Variants in ZMAT3 observed in about 807,000 individuals in gnomAD.
ZMAT3 encodes zinc finger matrin-type protein 3.
A neutral mutation model predicts 32.3 loss-of-function variants in ZMAT3; 17 were observed. The observed-to-expected ratio is 0.53, with a 90% confidence interval of 0.36 to 0.79. ZMAT3 has a LOEUF of 0.79. ZMAT3 is among the 30% of genes least tolerant of loss of function. The pLI is 0.00. For missense variants in ZMAT3, 329 were observed against 359.7 expected, an observed-to-expected ratio of 0.91 and a Z score of 0.69; for synonymous variants, 120 against 133.1, an observed-to-expected ratio of 0.90 and a Z score of 0.68.
Position 179,023,324 on chromosome 3 carries a change from G to A in ZMAT3, c.*1693C>T, listed in dbSNP as rs953859758. On this transcript the variant is annotated 3_prime_UTR_variant, in exon 6 of 6. Transcript: ENST00000311417. Reference sequence around the variant, plus strand: ...AATAATACTGATATAATTATCAGATGCCAAAGTGATCTATCATATACTTGT... The same window carrying A: ...AATAATACTGATATAATTATCAGATACCAAAGTGATCTATCATATACTTGT... 1 of 151,992 alleles carries A rather than the reference G, an allele frequency of 6.6e-6. No individual in the cohort carries two copies. The highest frequency in any genetic ancestry group is 1.5e-5 in the Non-Finnish European group (1 of 68,010). The allele number at this position is 151,992 out of a possible 1,614,324, so 9.4% of individuals were successfully genotyped here.
rs1044660020 is a variant in ZMAT3, at chr3:179,023,877, C to A, written c.*1140G>T. 1.3e-5 allele frequency: 2 copies of A among 149,428 alleles called. No homozygotes were observed. The highest frequency in any genetic ancestry group is 4.9e-5 in the African/African-American group (2 of 40,426). 9.3% of individuals were successfully genotyped at this position (149,428 alleles called of 1,614,324 possible). On this transcript the variant is annotated 3_prime_UTR_variant, in exon 6 of 6. Coordinates refer to ENST00000311417, the MANE Select transcript of ZMAT3 (RefSeq NM_022470.4). ...CTGGGACTACAGGCACCCACCACCA[C>A]GCCCGGCTAATGTTTTGTATTTTTA...
chr3:179,052,135 G>A (rs1188232116), intron 2 of ZMAT3, among the ~76,000 whole-genome samples: 1 of 151,656 alleles, frequency 6.6e-6, no homozygotes, highest in Non-Finnish European at 1.5e-5. Flanking sequence ...ACAAGATAAA[G>A]ATAAATAGAT....
At position 179,027,747 on chromosome 3, in the gene ZMAT3, A is replaced by G; in HGVS notation, c.456T>C (p.Cys152=). The G allele has an allele frequency of 6.2e-7, 1 of 1,614,176 alleles. No individual in the cohort carries two copies. The highest frequency in any genetic ancestry group is 1.7e-5 in the Admixed American group (1 of 60,026). The stretch of plus-strand genomic sequence containing the variant: ...CAGCTGGGGAACTGAAGGAGGCATC[A>G]CAGAGCTTACAGTAATCATTCTCCG... The part of the protein sequence containing the change: ...LATENDYCKL[C]DASFSSPAVA... The change falls in exon 4 of 6, where the codon TGT becomes TGC. Residue 152 remains cysteine, a synonymous_variant. Transcript: ENST00000311417.
In ZMAT3 at chr3:179,030,976, G is replaced by A; in HGVS notation, c.294C>T (p.Leu98=). The A allele has an allele frequency of 6.2e-7, 1 of 1,613,188 alleles. No homozygotes were observed. Among genetic ancestry groups the A allele is most frequent in the African/African-American group, 1.3e-5 (1 of 74,966 alleles). The part of the protein sequence containing the change: ...HYQGKNHGKK[L]RNYYAANSCP... The stretch of plus-strand genomic sequence containing the variant: ...AGCTATTTGCTGCATAGTAATTTCG[G>A]AGTTTCTTACCATGATTTTTACCCT... Residue 98 remains leucine (L), a synonymous_variant, in exon 3 of 6, where the codon CTC becomes CTT. Coordinates refer to ENST00000311417, the MANE Select transcript of ZMAT3 (RefSeq NM_022470.4).
At chr3:179,031,869 T>C (rs1299943385) in intron 2 of ZMAT3, among the ~76,000 whole-genome samples, 1 of 147,570 alleles carries the variant, frequency 6.8e-6, no homozygotes, top group Non-Finnish European at 1.5e-5. Flanking sequence ...ATCACACCAC[T>C]GCACTCCAGC....
chr3:179,023,594 T>C lies in ZMAT3; in HGVS notation c.*1423A>G, dbSNP rs941116084. 2.7e-5 allele frequency: 4 copies of C among 145,730 alleles called. No homozygotes were observed. Among genetic ancestry groups the C allele is most frequent in the African/African-American group, 5.1e-5 (2 of 39,144 alleles). The allele number at this position is 145,730 out of a possible 1,614,324, so 9.0% of individuals were successfully genotyped here. A position where few individuals can be genotyped will look rare whatever the true frequency, so the allele number is the denominator to read the frequency against. On this transcript the variant is annotated 3_prime_UTR_variant, in exon 6 of 6. Coordinates refer to ENST00000311417, the MANE Select transcript of ZMAT3 (RefSeq NM_022470.4). Reference sequence around the variant, plus strand: ...CAAAATATCAAGCAATCTGAACTTATGGTTTAGATCATGATATAAGCGCAT... The same window carrying C: ...CAAAATATCAAGCAATCTGAACTTACGGTTTAGATCATGATATAAGCGCAT...
intron 2 of ZMAT3, among the ~76,000 whole-genome samples, chr3:179,065,401 T>C (rs1721357805): frequency 6.6e-6 from 1 of 152,130 alleles, no homozygotes; most frequent in Non-Finnish European, 1.5e-5. Context: ...TACGCAAAAA[T>C]GTAAAATAAA....
chr3:179,041,993 G>C (rs1417751438), intron 2 of ZMAT3, among the ~76,000 whole-genome samples: 2 of 152,122 alleles, frequency 1.3e-5, no homozygotes, highest in Non-Finnish European at 2.9e-5. Flanking sequence ...AGAAGAAATG[G>C]ATAAACTCCT....
At chr3:179,041,287 C>T (rs566172527) in intron 2 of ZMAT3, among the ~76,000 whole-genome samples, 2 of 152,320 alleles carry the variant, frequency 1.3e-5, no homozygotes, top group South Asian at 4.1e-4. Flanking sequence ...ACATTCTTCT[C>T]AGCACCACAT....
intron 3 of ZMAT3, among the ~76,000 whole-genome samples, chr3:179,030,403 G>A (rs1306731550): frequency 6.9e-6 from 1 of 144,828 alleles, no homozygotes; most frequent in Non-Finnish European, 1.5e-5. Context: ...TGCCCAGGCT[G>A]GAGTGCAGTG....
At chr3:179,070,696 T>TA (rs1721663183) in intron 1 of ZMAT3, among the ~76,000 whole-genome samples, 1 of 152,364 alleles carries the variant, frequency 6.6e-6, no homozygotes, top group Non-Finnish European at 1.5e-5. Flanking sequence ...CTTCAAATCT[T>TA]AAAAACCAGT....
At chr3:179,031,054 A>G in intron 2 of ZMAT3, 55 bp from the exon 3 acceptor site, 1 of 1,527,082 alleles carries the variant, frequency 6.5e-7, no homozygotes, top group Non-Finnish European at 8.9e-7. Flanking sequence ...CAGTTTCAGC[A>G]ATTTCAGTTA....
At chr3:179,058,621 T>C (rs1348628218) in intron 2 of ZMAT3, among the ~76,000 whole-genome samples, 2 of 151,464 alleles carry the variant, frequency 1.3e-5, no homozygotes, top group Non-Finnish European at 3.0e-5. Context: ...CCGGGGGTAG[T>C]GGCGGGCGCC....
chr3:179,069,261 TC>T, intron 1 of ZMAT3, among the ~76,000 whole-genome samples: 1 of 152,018 alleles, frequency 6.6e-6, no homozygotes, highest in South Asian at 2.1e-4. Context: ...TAACTGATAG[TC>T]TCTATTATAA....
chr3:179,060,753 A>C (rs1721112303), intron 2 of ZMAT3, among the ~76,000 whole-genome samples: 1 of 152,212 alleles, frequency 6.6e-6, no homozygotes, highest in South Asian at 2.1e-4. Flanking sequence ...CCTGGGGAAA[A>C]CTAGACACAA....
At chr3:179,048,021 T>C (rs1378604609) in intron 2 of ZMAT3, among the ~76,000 whole-genome samples, 3 of 152,124 alleles carry the variant, frequency 2.0e-5, no homozygotes, top group African/African-American at 7.2e-5. Flanking sequence ...CAAAATGCAC[T>C]GAAAAGTCTC....
chr3:179,069,461 C>T (rs952514083), intron 1 of ZMAT3, among the ~76,000 whole-genome samples: 1 of 152,132 alleles, frequency 6.6e-6, no homozygotes, highest in Admixed American at 6.5e-5. Context: ...CAATTCCCTC[C>T]ACTCTCTCAA....
chr3:179,059,829 T>C (rs1721060331), intron 2 of ZMAT3, among the ~76,000 whole-genome samples: 1 of 152,202 alleles, frequency 6.6e-6, no homozygotes, highest in African/African-American at 2.4e-5. Flanking sequence ...GAGGGGGGAC[T>C]GAGAGACAGG....
chr3:179,030,008 T>C (rs1047935961), intron 3 of ZMAT3, among the ~76,000 whole-genome samples: 1 of 152,210 alleles, frequency 6.6e-6, no homozygotes, highest in East Asian at 1.9e-4. Flanking sequence ...ACCACTGTAT[T>C]GTTTTTATGG....
Sources: gnomAD v4.1 joint callset for allele counts (sites outside exome capture counted in the v4.1 genomes callset) on GRCh38, gnomAD v4.1.1 for gene constraint, MANE v1.5 for transcripts, NCBI Gene and HGNC (gene_info 2026-07-23, HGNC 2026-07-21) for gene names.